Variants in ICAM2 observed in about 807,000 individuals in gnomAD.
ICAM2 encodes the protein intercellular adhesion molecule 2.
In ICAM2, 14 loss-of-function variants were observed where a neutral mutation model predicts 19.1. The ratio of observed to expected loss-of-function variants is 0.73; its 90% CI spans 0.48 to 1.15. The LOEUF (loss-of-function observed/expected upper bound fraction) is 1.15. Among genes scored for constraint, ICAM2 ranks in the 50% most tolerant of loss-of-function variants. The pLI is 0.00. For synonymous variants in ICAM2, 153 were observed against 152.7 expected (o/e 1.00, Z -0.01); for missense variants, 311 against 355.4 (o/e 0.88, Z 1.00).
At chr17:64,008,571 A>T (rs1230495061) in intron 1 of ICAM2, among the ~76,000 whole-genome samples, 1 of 152,196 alleles carries the variant, frequency 6.6e-6, no homozygotes, top group African/African-American at 2.4e-5. Context: ...AAACTGAGGC[A>T]CGTCAAGGTT....
chr17:64,005,201 G>A lies in ICAM2; in HGVS notation c.234C>T (p.Tyr78=). ...TGTCATGGGAGATGTTTGAGACCAAGTAATGTTTCCACTGAGCCTGTTCGT... is the reference window on the plus strand; with the variant it reads ...TGTCATGGGAGATGTTTGAGACCAAATAATGTTTCCACTGAGCCTGTTCGT... The part of the protein sequence containing the change: ...LLDEQAQWKH[Y]LVSNISHDTV... The change falls in exon 3 of 5, where the codon TAC becomes TAT. Residue 78 remains tyrosine, a synonymous_variant. Transcript: ENST00000579788. 6.2e-7 allele frequency: 1 copy of A among 1,614,138 alleles called. No homozygotes were observed. The highest frequency in any genetic ancestry group is 1.6e-4 in the Middle Eastern group (1 of 6,062).
chr17:64,019,817 CAAAAAA>C (rs11342409), intron 1 of ICAM2, among the ~76,000 whole-genome samples: 180 of 53,840 alleles, frequency 3.3e-3, no homozygotes, highest in Non-Finnish European at 5.8e-3. Context: ...AACTCTGTCT[CAAAAAA>C]AAAAAAAAAA....
At chr17:64,016,694 C>T (rs933293672) in intron 1 of ICAM2, among the ~76,000 whole-genome samples, 5 of 152,208 alleles carry the variant, frequency 3.3e-5, no homozygotes, top group Admixed American at 3.3e-4. Context: ...ACATCAGTCA[C>T]CCTCCTTTAA....
intron 1 of ICAM2, among the ~76,000 whole-genome samples, chr17:64,011,876 A>G (rs1318663682): frequency 1.3e-5 from 2 of 152,256 alleles, no homozygotes; most frequent in Admixed American, 1.3e-4. Flanking sequence ...CAAAAAATTA[A>G]AAGTAGAACT....
Position 64,002,776 on chromosome 17 carries a change from TCC to T in ICAM2, c.797_798del (p.Trp266Ter), listed in dbSNP as rs761149389. 6.2e-7 allele frequency: 1 copy of T among 1,612,584 alleles called. No individual in the cohort carries two copies. The highest frequency in any genetic ancestry group is 8.5e-7 in the Non-Finnish European group (1 of 1,179,898). ...RMGTYGVRAA[W>X]RRLPQAFRP ...GGCCGGAAGGCCTGGGGCAGCCTCC[TCC>T]AAGCCGCTCGCACCCCGTAGGTGCC... On this transcript the variant is annotated frameshift_variant, in exon 5 of 5. Transcript: ENST00000579788. LOFTEE classifies it high-confidence loss of function.
rs1302627929 is a variant in ICAM2 at position 64,005,162 on chromosome 17, G to A, written c.273C>T (p.Cys91=). The A allele has an allele frequency of 1.2e-6, 2 of 1,613,994 alleles. No individual in the cohort carries two copies. Among genetic ancestry groups the A allele is most frequent in the African/African-American group, 1.3e-5 (1 of 74,904 alleles). The change falls in exon 3 of 5, where the codon TGC becomes TGT. Residue 91 remains cysteine, a synonymous_variant. Coordinates refer to ENST00000579788, the MANE Select transcript of ICAM2 (RefSeq NM_001099789.2). The part of the protein sequence containing the change: ...SNISHDTVLQ[C]HFTCSGKQES... ...CCTGCTTCCCGGAGCAGGTGAAGTG[G>A]CATTGGAGGACCGTGTCATGGGAGA... is the stretch of plus-strand genomic sequence containing the variant.
At chr17:64,003,062 G>T in intron 4 of ICAM2, 137 bp from the exon 5 acceptor site, 1 of 667,876 alleles carries the variant, frequency 1.5e-6, no homozygotes, top group Non-Finnish European at 2.5e-6. Context: ...CACCCCAGTT[G>T]CAGAGATGAG....
At chr17:64,011,419 G>A (rs1015642670) in intron 1 of ICAM2, among the ~76,000 whole-genome samples, 1 of 151,996 alleles carries the variant, frequency 6.6e-6, no homozygotes, top group Non-Finnish European at 1.5e-5. Context: ...CCGAGATCGC[G>A]CCACTGCACT....
At chr17:64,002,978 G>A (rs2143164673) in intron 4 of ICAM2, 53 bp from the exon 5 acceptor site, 1 of 1,545,486 alleles carries the variant, frequency 6.5e-7, no homozygotes, top group Admixed American at 1.8e-5. Context: ...CAGTTACCAG[G>A]GACCAAAAGG....
At chr17:64,005,026 G>A (rs1296838221) in intron 3 of ICAM2, 81 bp downstream of exon 3, 1 of 1,487,692 alleles carries the variant, frequency 6.7e-7, no homozygotes. Context: ...CCAGGAGCAG[G>A]CACAGAGGGG....
chr17:64,008,955 C>T (rs7210667), intron 1 of ICAM2, among the ~76,000 whole-genome samples: 3,157 of 152,312 alleles, frequency 0.021, 131 homozygotes, highest in African/African-American at 0.071. Flanking sequence ...TCCTACCCCC[C>T]ATCTCCTCCT....
intron 1 of ICAM2, among the ~76,000 whole-genome samples, chr17:64,010,702 G>A (rs1275064149): frequency 1.3e-5 from 2 of 152,152 alleles, no homozygotes; most frequent in Non-Finnish European, 2.9e-5. Flanking sequence ...AGAACAGTTT[G>A]CTATGCAAAG....
chr17:64,004,983 G>T, intron 3 of ICAM2, 124 bp downstream of exon 3: 1 of 1,128,974 alleles, frequency 8.9e-7, no homozygotes, highest in Non-Finnish European at 1.3e-6. Context: ...CACCCCAGGA[G>T]CTCAGGGAGG....
chr17:64,009,809 A>G (rs971174510), intron 1 of ICAM2, among the ~76,000 whole-genome samples: 1 of 152,214 alleles, frequency 6.6e-6, no homozygotes, highest in East Asian at 1.9e-4. Context: ...CAGCTTGAAC[A>G]TTATAAAATG....
At chr17:64,020,483 C>T (rs959510330) in intron 1 of ICAM2, 40 bp downstream of exon 1, 1 of 152,244 alleles carries the variant, frequency 6.6e-6, no homozygotes, top group Non-Finnish European at 1.5e-5. Flanking sequence ...TCCCATGCTG[C>T]CACGCTTCAT....
At position 64,003,769 on chromosome 17, in the gene ICAM2, A is replaced by G; in HGVS notation, c.524T>C (p.Phe175Ser). The G allele has an allele frequency of 6.2e-7, 1 of 1,614,224 alleles. No homozygotes were observed. The highest frequency in any genetic ancestry group is 8.5e-7 in the Non-Finnish European group (1 of 1,180,030). Reference sequence around the variant, plus strand: ...ATCCTCTCTGTCAGCCGTGCTGTTGAATGTGGCTGTGGCCTCCTGCGGAGC... The same window carrying G: ...ATCCTCTCTGTCAGCCGTGCTGTTGGATGTGGCTGTGGCCTCCTGCGGAGC... ...APAPQEATATFNSTADREDGH... is the reference protein window; with the variant it reads ...APAPQEATATSNSTADREDGH... The change falls in exon 4 of 5, where the codon TTC becomes TCC. Residue 175 changes from phenylalanine to serine, a missense_variant. Coordinates refer to ENST00000579788, the MANE Select transcript of ICAM2 (RefSeq NM_001099789.2).
At chr17:64,005,550 C>T (rs1911149179) in intron 2 of ICAM2, among the ~76,000 whole-genome samples, 177 bp from the exon 3 acceptor site, 1 of 152,090 alleles carries the variant, frequency 6.6e-6, no homozygotes, top group South Asian at 2.1e-4. Context: ...ACCAGGAGGC[C>T]ACCCCCCAGC....
chr17:64,014,351 G>GAAATAAAT, intron 1 of ICAM2, among the ~76,000 whole-genome samples: 1 of 50,448 alleles, frequency 2.0e-5, no homozygotes, highest in African/African-American at 6.4e-5. Context: ...AAGAAAGAAA[G>GAAATAAAT]AAAGAAAGAA....
At chr17:64,013,559 C>T (rs1308312217) in intron 1 of ICAM2, among the ~76,000 whole-genome samples, 2 of 151,738 alleles carry the variant, frequency 1.3e-5, no homozygotes, top group Admixed American at 6.6e-5. Context: ...TTGTTGTTTA[C>T]AAGAGACATA....
Sources: allele counts gnomAD v4.1 joint callset (sites outside exome capture counted in the v4.1 genomes callset), GRCh38; gene constraint gnomAD v4.1.1; transcripts MANE v1.5; gene names NCBI Gene and HGNC (gene_info 2026-07-23, HGNC 2026-07-21).